Variants in JAKMIP1 observed in about 807,000 individuals in gnomAD.
JAKMIP1 encodes janus kinase and microtubule interacting protein 1, also known as janus kinase and microtubule-interacting protein 1.
In JAKMIP1, 33 loss-of-function variants were observed where a neutral mutation model predicts 113.0. The observed-to-expected ratio is 0.29, with a 90% confidence interval of 0.22 to 0.39. The LOEUF (loss-of-function observed/expected upper bound fraction) is 0.39, where lower values mean the gene tolerates loss of function less well. JAKMIP1 is among the 10% of genes least tolerant of loss of function. The pLI is 1.00. For synonymous variants in JAKMIP1, 480 were observed against 459.9 expected (o/e 1.04, Z -0.56); for missense variants, 813 against 1,080.5 (o/e 0.75, Z 3.47).
Position 6,162,122 on chromosome 4 carries a change from G to T in JAKMIP1, c.-148+38131C>A, listed in dbSNP as rs563785476. ...GGACGGGGTAGATTATGGGCCAGAC[G>T]GGGGGCCAAGAGGTCAGCAGGGCCT... On this transcript the variant is annotated intron_variant, in intron 1 of 20. Coordinates refer to ENST00000409021, the MANE Select transcript of JAKMIP1 (RefSeq NM_001099433.2). This position sits in a 1 kb window ranked among gnomAD's most constrained non-coding sequence, Gnocchi z 5.6. 0.014 allele frequency among the ~76,000 whole-genome samples: 2,109 copies of T among 148,480 alleles called. 44 individuals are homozygous for T. Among genetic ancestry groups the T allele is most frequent in the African/African-American group, 0.053 (2,015 of 38,034 alleles).
chr4:6,196,339 T>C (rs1727840564), intron 1 of JAKMIP1, among the ~76,000 whole-genome samples: 1 of 152,178 alleles, frequency 6.6e-6, no homozygotes. Flanking sequence ...CCACAGCTCC[T>C]TCCCTGTCCC....
chr4:6,165,656 G>T (rs1723533789), intron 1 of JAKMIP1, among the ~76,000 whole-genome samples: 1 of 152,148 alleles, frequency 6.6e-6, no homozygotes, highest in African/African-American at 2.4e-5. Context: ...TAATGCTATT[G>T]TACACTTAAG....
chr4:6,133,462 A>G (rs1354355672), intron 1 of JAKMIP1, among the ~76,000 whole-genome samples: 1 of 152,206 alleles, frequency 6.6e-6, no homozygotes, highest in African/African-American at 2.4e-5. Flanking sequence ...TTAAAAAGCA[A>G]ATGAACAAGA....
chr4:6,185,480 T>C lies in JAKMIP1; in HGVS notation c.-148+14773A>G, dbSNP rs1404156742. ...GGCTAACACAGTGAAACCCCATCTC[T>C]ACTAAAAAATACAAAAAATTAGCCG... On this transcript the variant is annotated intron_variant, in intron 1 of 20. Coordinates refer to ENST00000409021, the MANE Select transcript of JAKMIP1 (RefSeq NM_001099433.2). The surrounding 1 kb of genome is among the most constrained non-coding windows in gnomAD (Gnocchi z 5.3). 6.6e-6 allele frequency among the ~76,000 whole-genome samples: 1 copy of C among 152,042 alleles called. No individual in the cohort carries two copies. Among genetic ancestry groups the C allele is most frequent in the Non-Finnish European group, 1.5e-5 (1 of 68,012 alleles).
At position 6,040,903 on chromosome 4, in the gene JAKMIP1, C is replaced by T. The variant is rs930719887; in HGVS notation, c.2098-187G>A. 5.9e-5 allele frequency among the ~76,000 whole-genome samples: 9 copies of T among 152,130 alleles called. No homozygotes were observed. The highest frequency in any genetic ancestry group is 2.2e-4 in the African/African-American group (9 of 41,430). On this transcript the variant is annotated intron_variant, in intron 17 of 20. Coordinates refer to ENST00000409021, the MANE Select transcript of JAKMIP1 (RefSeq NM_001099433.2). This position sits in a 1 kb window ranked among gnomAD's most constrained non-coding sequence, Gnocchi z 5.8. ...GCAGGAGCCTCACTGACCTGGGGCA[C>T]CCTTGACAGCCACACCTGGATCCTT...
chr4:6,188,576 A>C lies in JAKMIP1; in HGVS notation c.-148+11677T>G, dbSNP rs1726889293. Among the ~76,000 whole-genome samples, 1 of 152,172 alleles carries C rather than the reference A, an allele frequency of 6.6e-6. No individual in the cohort carries two copies. The highest frequency in any genetic ancestry group is 2.4e-5 in the African/African-American group (1 of 41,448). On this transcript the variant is annotated intron_variant, in intron 1 of 20. Transcript: ENST00000409021. The surrounding 1 kb of genome is among the most constrained non-coding windows in gnomAD (Gnocchi z 5.8). The stretch of plus-strand genomic sequence containing the variant: ...GCCCTCTGCTCACTCACAATGATGA[A>C]GGGAAGCTACAACCCAGGAGCAAAT...
intron 7 of JAKMIP1, among the ~76,000 whole-genome samples, chr4:6,079,922 A>G (rs560785116): frequency 2.6e-5 from 4 of 152,370 alleles, no homozygotes; most frequent in African/African-American, 9.6e-5. Context: ...TAGGGAGAAG[A>G]TGTGAGAAAA....
intron 3 of JAKMIP1, among the ~76,000 whole-genome samples, chr4:6,098,346 T>C (rs887240322): frequency 7.9e-5 from 12 of 151,812 alleles, no homozygotes; most frequent in Non-Finnish European, 1.8e-4. Context: ...GGCAGGAGAA[T>C]TGCTTGAATC....
Position 6,088,088 on chromosome 4 carries a change from C to T in JAKMIP1, c.625-2459G>A, listed in dbSNP as rs1013299070. Among the ~76,000 whole-genome samples the T allele has an allele frequency of 2.0e-5, 3 of 152,220 alleles. No homozygotes were observed. The highest frequency in any genetic ancestry group is 2.9e-5 in the Non-Finnish European group (2 of 68,044). Reference sequence around the variant, plus strand: ...TTTATTCATTTAATTCACTCAAGCACGCTTTCATTAACTCAACACATGCTG... The same window carrying T: ...TTTATTCATTTAATTCACTCAAGCATGCTTTCATTAACTCAACACATGCTG... On this transcript the variant is annotated intron_variant, in intron 3 of 20. Coordinates refer to ENST00000409021, the MANE Select transcript of JAKMIP1 (RefSeq NM_001099433.2). The surrounding 1 kb of genome is among the most constrained non-coding windows in gnomAD (Gnocchi z 5.5).
At chr4:6,101,965 A>C (rs984146169) in intron 3 of JAKMIP1, among the ~76,000 whole-genome samples, 5 of 151,598 alleles carry the variant, frequency 3.3e-5, no homozygotes, top group African/African-American at 1.2e-4. Context: ...GAATCTGTAG[A>C]TCAATCATGG....
rs1400264557 is a variant in JAKMIP1, at chr4:6,156,905, A to C, written c.-148+43348T>G. 6.6e-6 allele frequency among the ~76,000 whole-genome samples: 1 copy of C among 152,164 alleles called. No homozygotes were observed. The highest frequency in any genetic ancestry group is 1.5e-5 in the Non-Finnish European group (1 of 68,014). On this transcript the variant is annotated intron_variant, in intron 1 of 20. Transcript: ENST00000409021. The surrounding 1 kb of genome is among the most constrained non-coding windows in gnomAD (Gnocchi z 5.0). ...CATTGGCCAACAGCCACAGCCCTGA[A>C]TTTTCTATAACAAGTTCCATGGCTA...
intron 5 of JAKMIP1, among the ~76,000 whole-genome samples, chr4:6,083,951 G>T (rs1720933157): frequency 6.6e-6 from 1 of 152,056 alleles, no homozygotes; most frequent in Non-Finnish European, 1.5e-5. Flanking sequence ...TAGTTTACAA[G>T]TATATAAAAT....
chr4:6,132,407 C>A (rs1237649847), intron 1 of JAKMIP1, among the ~76,000 whole-genome samples: 1 of 152,032 alleles, frequency 6.6e-6, no homozygotes, highest in Admixed American at 6.6e-5. Context: ...TTTGGGAGGC[C>A]GAGGCGGGCA....
intron 16 of JAKMIP1, among the ~76,000 whole-genome samples, chr4:6,046,444 G>A (rs1361020063): frequency 2.6e-5 from 4 of 152,204 alleles, no homozygotes; most frequent in Admixed American, 1.3e-4. Context: ...GCTCAGAATC[G>A]GGGCCCCATA....
chr4:6,199,139 C>A lies in JAKMIP1; in HGVS notation c.-148+1114G>T, dbSNP rs994198238. Among the ~76,000 whole-genome samples the A allele has an allele frequency of 6.6e-6, 1 of 152,274 alleles. No homozygotes were observed. Among genetic ancestry groups the A allele is most frequent in the Non-Finnish European group, 1.5e-5 (1 of 68,044 alleles). The stretch of plus-strand genomic sequence containing the variant: ...GGGCGTTCGCGGAGAGAGCACAGCA[C>A]TGGCAAAGGCCAAGGACAGTGTGCC... On this transcript the variant is annotated intron_variant, in intron 1 of 20. Coordinates refer to ENST00000409021, the MANE Select transcript of JAKMIP1 (RefSeq NM_001099433.2). This position sits in a 1 kb window ranked among gnomAD's most constrained non-coding sequence, Gnocchi z 5.6.
rs1712043751 is a variant in JAKMIP1, at chr4:6,097,640, T to G, written c.624+7833A>C. Among the ~76,000 whole-genome samples the G allele has an allele frequency of 6.6e-6, 1 of 152,216 alleles. No homozygotes were observed. Among genetic ancestry groups the G allele is most frequent in the African/African-American group, 2.4e-5 (1 of 41,434 alleles). On this transcript the variant is annotated intron_variant, in intron 3 of 20. Transcript: ENST00000409021. The surrounding 1 kb of genome is among the most constrained non-coding windows in gnomAD (Gnocchi z 4.3). ...TTGGATTAGGGATGCTCAACCTATTTCTATACCACCTTTGGAAAACTCCAT... is the reference window on the plus strand; with the variant it reads ...TTGGATTAGGGATGCTCAACCTATTGCTATACCACCTTTGGAAAACTCCAT...
chr4:6,170,857 C>G (rs948334191), intron 1 of JAKMIP1, among the ~76,000 whole-genome samples: 17 of 150,010 alleles, frequency 1.1e-4, no homozygotes, highest in Non-Finnish European at 1.9e-4. Flanking sequence ...TCCCCATCAC[C>G]ATGACCACCA....
At position 6,187,444 on chromosome 4, in the gene JAKMIP1, A is replaced by C. The variant is rs981828072; in HGVS notation, c.-148+12809T>G. Reference sequence around the variant, plus strand: ...GAATGTTTATGTACCCCCAGAATTCATATGTTTCTAGTCACCAGTATGATA... The same window carrying C: ...GAATGTTTATGTACCCCCAGAATTCCTATGTTTCTAGTCACCAGTATGATA... On this transcript the variant is annotated intron_variant, in intron 1 of 20. Transcript: ENST00000409021. The surrounding 1 kb of genome is among the most constrained non-coding windows in gnomAD (Gnocchi z 4.2). Among the ~76,000 whole-genome samples, 4 of 152,238 alleles carry C rather than the reference A, an allele frequency of 2.6e-5. No homozygotes were observed. Among genetic ancestry groups the C allele is most frequent in the Non-Finnish European group, 5.9e-5 (4 of 68,038 alleles).
intron 1 of JAKMIP1, among the ~76,000 whole-genome samples, chr4:6,144,520 A>G (rs1256355651): frequency 6.6e-6 from 1 of 152,240 alleles, no homozygotes; most frequent in Non-Finnish European, 1.5e-5. Context: ...ATATAAAAGA[A>G]CTATATGCCA....
Sources: allele counts gnomAD v4.1 joint callset (sites outside exome capture counted in the v4.1 genomes callset), GRCh38; gene constraint gnomAD v4.1.1; non-coding constraint Gnocchi (gnomAD v3.1); transcripts MANE v1.5; gene names NCBI Gene and HGNC (gene_info 2026-07-23, HGNC 2026-07-21).